The following PDP1 variants were observed in gnomAD, a reference collection of about 807,000 sequenced individuals.
PDP1 encodes the protein pyruvate dehydrogenase phosphatase catalytic subunit 1.
Under a neutral mutation model 37.1 loss-of-function variants are expected in PDP1, and 14 were observed. The ratio of observed to expected loss-of-function variants is 0.38; its 90% CI spans 0.25 to 0.59. The LOEUF is 0.59. Ranked by LOEUF, PDP1 falls within the 20% of genes least tolerant of loss-of-function variation. The pLI, the probability that PDP1 is intolerant of heterozygous loss-of-function variation, is 0.67. For synonymous variants in PDP1, 251 were observed against 243.3 expected (o/e 1.03, Z -0.29); for missense variants, 544 against 655.3 (o/e 0.83, Z 1.85).
chr8:93,924,416 CTTTAG>C lies in PDP1; in HGVS notation c.*748_*752del, dbSNP rs1416983609. 1 of 166,814 alleles carries C rather than the reference CTTTAG, an allele frequency of 6.0e-6. No individual in the cohort carries two copies. The highest frequency in any genetic ancestry group is 1.5e-5 in the Non-Finnish European group (1 of 68,064). 10.3% of individuals were successfully genotyped at this position (166,814 alleles called of 1,614,324 possible). On this transcript the variant is annotated 3_prime_UTR_variant, in exon 2 of 2. Transcript: ENST00000297598. ...TTTTTTTATTTGTATTAATGAAAAG[CTTTAG>C]TTTAAAATAAGGAGATCCAGAATAA...
At position 93,925,603 on chromosome 8, in the gene PDP1, A is replaced by T. The variant is rs1028097570; in HGVS notation, c.*1930A>T. The T allele has an allele frequency of 1.2e-5, 2 of 167,032 alleles. No homozygotes were observed. The highest frequency in any genetic ancestry group is 2.9e-5 in the Non-Finnish European group (2 of 68,124). 10.3% of individuals were successfully genotyped at this position (167,032 alleles called of 1,614,324 possible). ...ATGATCAAGATAGTAGTATTATTAC[A>T]CAAGAAACTTGGTCTGCAGTCTGGA... On this transcript the variant is annotated 3_prime_UTR_variant, in exon 2 of 2. Coordinates refer to ENST00000297598, the MANE Select transcript of PDP1 (RefSeq NM_018444.4).
intron 1 of PDP1, 200 bp from the exon 2 acceptor site, chr8:93,921,816 C>T: frequency 2.0e-6 from 1 of 510,668 alleles, no homozygotes; most frequent in South Asian, 3.6e-5. Context: ...GTCGTGGTTC[C>T]ACGAATGATT....
At position 93,923,457 on chromosome 8, in the gene PDP1, A is replaced by G. The variant is rs760576538; in HGVS notation, c.1398A>G (p.Arg466=). The change falls in exon 2 of 2, where the codon AGA becomes AGG. Residue 466 remains arginine, a synonymous_variant. Coordinates refer to ENST00000297598, the MANE Select transcript of PDP1 (RefSeq NM_018444.4). This position sits in a 1 kb window ranked among gnomAD's most constrained non-coding sequence, Gnocchi z 4.3. ...GQMHGLLTER[R]TKMSSVFEDQ... ...TGCATGGCCTTTTAACAGAAAGGAG[A>G]ACCAAAATGTCCTCGGTATTTGAGG... 1 of 1,596,994 alleles carries G rather than the reference A, an allele frequency of 6.3e-7. No individual in the cohort carries two copies. The highest frequency in any genetic ancestry group is 8.6e-7 in the Non-Finnish European group (1 of 1,169,084).
intron 1 of PDP1, chr8:93,919,116 A>G: frequency 1.0e-6 from 1 of 980,082 alleles, no homozygotes; most frequent in Non-Finnish European, 1.2e-6. Context: ...TTGAAGGAAA[A>G]ATGTAGTGGA....
intron 1 of PDP1, chr8:93,917,819 A>T (rs758442355): frequency 6.3e-7 from 1 of 1,593,222 alleles, no homozygotes; most frequent in South Asian, 1.1e-5. Flanking sequence ...TCTAATGAGC[A>T]TCTCTGCCTT....
At position 93,923,919 on chromosome 8, in the gene PDP1, G is replaced by T. The variant is rs1168196056; in HGVS notation, c.*246G>T. ...AGCAAGTCACTTCTTTATCACAGGT[G>T]TCTTGAAACATTAGCTTCTTTTACC... On this transcript the variant is annotated 3_prime_UTR_variant, in exon 2 of 2. Coordinates refer to ENST00000297598, the MANE Select transcript of PDP1 (RefSeq NM_018444.4). The surrounding 1 kb of genome is among the most constrained non-coding windows in gnomAD (Gnocchi z 4.3). 13 of 473,702 alleles carry T rather than the reference G, an allele frequency of 2.7e-5. No homozygotes were observed. Among genetic ancestry groups the T allele is most frequent in the Non-Finnish European group, 4.0e-5 (10 of 248,274 alleles). The allele number at this position is 473,702 out of a possible 1,614,324, so 29.3% of individuals were successfully genotyped here.
rs1182983060 is a variant in PDP1, at chr8:93,922,231, C to T, written c.172C>T (p.Pro58Ser). The change falls in exon 2 of 2, where the codon CCA becomes TCA. Residue 58 changes from proline to serine, a missense_variant. Coordinates refer to ENST00000297598, the MANE Select transcript of PDP1 (RefSeq NM_018444.4). This position sits in a 1 kb window ranked among gnomAD's most constrained non-coding sequence, Gnocchi z 4.0. ...PHPAYATFCR[P>S]KENWWQYTQG... Reference sequence around the variant, plus strand: ...TCCAGCATATGCTACCTTTTGCAGGCCAAAGGAGAACTGGTGGCAGTACAC... The same window carrying T: ...TCCAGCATATGCTACCTTTTGCAGGTCAAAGGAGAACTGGTGGCAGTACAC... 6.2e-7 allele frequency: 1 copy of T among 1,614,010 alleles called. No homozygotes were observed. The highest frequency in any genetic ancestry group is 8.5e-7 in the Non-Finnish European group (1 of 1,179,984).
At chr8:93,918,426 A>T (rs1442737450) in intron 1 of PDP1, among the ~76,000 whole-genome samples, 1 of 152,194 alleles carries the variant, frequency 6.6e-6, no homozygotes, top group Non-Finnish European at 1.5e-5. Flanking sequence ...CCGTGGGTCT[A>T]TTGATGGAGT....
intron 1 of PDP1, chr8:93,921,757 G>T: frequency 5.0e-6 from 2 of 398,470 alleles, no homozygotes. Context: ...CACAAAGGAC[G>T]ACAAAGAAAA....
intron 1 of PDP1, chr8:93,920,462 A>G (rs1477269770): frequency 1.3e-6 from 1 of 797,694 alleles, no homozygotes; most frequent in African/African-American, 1.9e-5. Flanking sequence ...TATAGTACAA[A>G]TGACTATTTT....
rs762781777 is a variant in PDP1 at position 93,923,689 on chromosome 8, C to A, written c.*16C>A. 7 of 1,582,122 alleles carry A rather than the reference C, an allele frequency of 4.4e-6. No individual in the cohort carries two copies. In the South Asian group the frequency reaches 6.6e-5, roughly 15 times the overall value. Reference sequence around the variant, plus strand: ...CCAAGAATAGTGAGTGGCTCTTTCACTGGCAATTCTCAAATGATATACATT... The same window carrying A: ...CCAAGAATAGTGAGTGGCTCTTTCAATGGCAATTCTCAAATGATATACATT... On this transcript the variant is annotated 3_prime_UTR_variant, in exon 2 of 2. Coordinates refer to ENST00000297598, the MANE Select transcript of PDP1 (RefSeq NM_018444.4). This position sits in a 1 kb window ranked among gnomAD's most constrained non-coding sequence, Gnocchi z 4.3.
rs1485500856 is a variant in PDP1, at chr8:93,923,765, G to C, written c.*92G>C. 9.1e-7 allele frequency: 1 copy of C among 1,093,310 alleles called. No individual in the cohort carries two copies. Among genetic ancestry groups the C allele is most frequent in the East Asian group, 2.4e-5 (1 of 41,716 alleles). 67.7% of individuals were successfully genotyped at this position (1,093,310 alleles called of 1,614,324 possible). On this transcript the variant is annotated 3_prime_UTR_variant, in exon 2 of 2. Coordinates refer to ENST00000297598, the MANE Select transcript of PDP1 (RefSeq NM_018444.4). The surrounding 1 kb of genome is among the most constrained non-coding windows in gnomAD (Gnocchi z 4.3). ...ACTACTATAATAAACATTTCCAGTT[G>C]GTCATTCTAAGCATTTACCCTTTTG...
chr8:93,918,249 G>A (rs1014088904), intron 1 of PDP1, among the ~76,000 whole-genome samples: 1 of 152,144 alleles, frequency 6.6e-6, no homozygotes, highest in Non-Finnish European at 1.5e-5. Flanking sequence ...TTGAAAAATC[G>A]CGGATGGTCT....
In PDP1 at chr8:93,924,026, G is replaced by A. The variant is rs968136012; in HGVS notation, c.*353G>A. The A allele has an allele frequency of 6.1e-6, 2 of 325,514 alleles. No homozygotes were observed. The highest frequency in any genetic ancestry group is 1.3e-5 in the Non-Finnish European group (2 of 158,992). 20.2% of individuals were successfully genotyped at this position (325,514 alleles called of 1,614,324 possible). A position where few individuals can be genotyped will look rare whatever the true frequency, so the allele number is the denominator to read the frequency against. On this transcript the variant is annotated 3_prime_UTR_variant, in exon 2 of 2. Transcript: ENST00000297598. ...GTATCTTGCTGTGTGTAGTCTCTTG[G>A]TTAAAGTGAAGAAACAGTACTGTTC...
Position 93,922,493 on chromosome 8 carries a change from G to T in PDP1, c.434G>T (p.Gly145Val), listed in dbSNP as rs1810311039. 6.2e-7 allele frequency: 1 copy of T among 1,614,028 alleles called. No individual in the cohort carries two copies. The highest frequency in any genetic ancestry group is 8.5e-7 in the Non-Finnish European group (1 of 1,180,030). Reference sequence around the variant, plus strand: ...GGGATGCTTTTGGGGGTTTTTGATGGCCATGCAGGTTGTGCTTGTTCCCAG... The same window carrying T: ...GGGATGCTTTTGGGGGTTTTTGATGTCCATGCAGGTTGTGCTTGTTCCCAG... ...TRGMLLGVFDGHAGCACSQAV... is the reference protein window; with the variant it reads ...TRGMLLGVFDVHAGCACSQAV... The change falls in exon 2 of 2, where the codon GGC (glycine) becomes GTC (valine). Residue 145 changes from glycine to valine, a missense_variant. By Grantham distance (109) the Gly-to-Val change is moderately radical. Coordinates refer to ENST00000297598, the MANE Select transcript of PDP1 (RefSeq NM_018444.4). The surrounding 1 kb of genome is among the most constrained non-coding windows in gnomAD (Gnocchi z 4.0).
At position 93,923,343 on chromosome 8, in the gene PDP1, T is replaced by C. The variant is rs753703262; in HGVS notation, c.1284T>C (p.Asp428=). Residue 428 remains aspartate (D), a synonymous_variant, in exon 2 of 2, where the codon GAT becomes GAC. Transcript: ENST00000297598. The surrounding 1 kb of genome is among the most constrained non-coding windows in gnomAD (Gnocchi z 4.3). ...DGLWETMHRQ[D]VVRIVGEYLT... ...TGTGGGAGACTATGCATAGGCAGGA[T>C]GTGGTTAGGATTGTGGGTGAGTACC... 1.2e-6 allele frequency: 2 copies of C among 1,614,118 alleles called. No individual in the cohort carries two copies. Among genetic ancestry groups the C allele is most frequent in the Non-Finnish European group, 1.7e-6 (2 of 1,179,994 alleles).
At chr8:93,917,793 C>G in intron 1 of PDP1, 1 of 1,579,336 alleles carries the variant, frequency 6.3e-7, no homozygotes, top group Non-Finnish European at 8.6e-7. Flanking sequence ...GCTCCCGCCT[C>G]CCCGCCGCCG....
Position 93,923,327 on chromosome 8 carries a change from C to T in PDP1, c.1268C>T (p.Thr423Ile). The change falls in exon 2 of 2, where the codon ACT becomes ATT. Residue 423 changes from threonine to isoleucine, a missense_variant. Thr to Ile is a moderately conservative substitution (Grantham distance 89, BLOSUM62 -1). Coordinates refer to ENST00000297598, the MANE Select transcript of PDP1 (RefSeq NM_018444.4). The surrounding 1 kb of genome is among the most constrained non-coding windows in gnomAD (Gnocchi z 4.3). ...LVLATDGLWETMHRQDVVRIV... is the reference protein window; with the variant it reads ...LVLATDGLWEIMHRQDVVRIV... ...TTGGCTACTGATGGGTTGTGGGAGA[C>T]TATGCATAGGCAGGATGTGGTTAGG... The T allele has an allele frequency of 1.2e-6, 2 of 1,614,128 alleles. No homozygotes were observed. Among genetic ancestry groups the T allele is most frequent in the Non-Finnish European group, 1.7e-6 (2 of 1,179,998 alleles).
In PDP1 at chr8:93,922,890, C is replaced by A; in HGVS notation, c.831C>A (p.Ala277=). The A allele has an allele frequency of 1.2e-6, 2 of 1,614,142 alleles. No homozygotes were observed. Among genetic ancestry groups the A allele is most frequent in the Non-Finnish European group, 1.7e-6 (2 of 1,180,034 alleles). The change falls in exon 2 of 2, where the codon GCC becomes GCA. Residue 277 remains alanine, a synonymous_variant. Coordinates refer to ENST00000297598, the MANE Select transcript of PDP1 (RefSeq NM_018444.4). The surrounding 1 kb of genome is among the most constrained non-coding windows in gnomAD (Gnocchi z 4.0). ...VAFSGATACV[A]HVDGVDLHVA... ...TTTCTGGAGCCACTGCTTGTGTGGC[C>A]CATGTGGATGGTGTTGACCTTCATG...
Sources: gnomAD v4.1 joint callset for allele counts (sites outside exome capture counted in the v4.1 genomes callset) on GRCh38, gnomAD v4.1.1 for gene constraint, Gnocchi (gnomAD v3.1) non-coding constraint, MANE v1.5 for transcripts, NCBI Gene and HGNC (gene_info 2026-07-23, HGNC 2026-07-21) for gene names.